The following FAT3 variants were observed in gnomAD, a reference collection of about 807,000 sequenced individuals.
FAT3 encodes FAT atypical cadherin 3.
FAT3 carries 95 observed loss-of-function variants against 310.2 expected under a neutral mutation model. The observed-to-expected ratio is 0.31, with a 90% CI of 0.26 to 0.36. The LOEUF (loss-of-function observed/expected upper bound fraction) is 0.36, where lower values mean the gene tolerates loss of function less well. Ranked by LOEUF, FAT3 falls within the 10% of genes least tolerant of loss-of-function variation. The probability of loss-of-function intolerance (pLI) is 1.00; values close to 1 mark genes in which losing one functional copy is unlikely to be tolerated. For missense variants in FAT3, 5,408 were observed against 5,715.6 expected (o/e 0.95, Z 1.74); for synonymous variants, 2,314 against 2,192.9 (o/e 1.06, Z -1.54).
chr11:92,837,585 A>T, intron 16 of FAT3, 78 bp from the exon 17 acceptor site: 3 of 1,541,732 alleles, frequency 1.9e-6, no homozygotes, highest in Non-Finnish European at 8.8e-7. Flanking sequence ...CACAGCCTGT[A>T]GCTCCAGTTC....
intron 1 of FAT3, among the ~76,000 whole-genome samples, chr11:92,250,035 T>C (rs1370092748): frequency 6.6e-6 from 1 of 152,144 alleles, no homozygotes; most frequent in Non-Finnish European, 1.5e-5. Flanking sequence ...TAAAATTTTC[T>C]GGTTGTAATA....
At position 92,875,167 on chromosome 11, in the gene FAT3, A is replaced by G. The variant is rs531935095; in HGVS notation, c.12128-5564A>G. ...AATAGATATCACTCTTCTTTCACTA[A>G]AAAAAAAATCTGACCACTTTTAAAA... On this transcript the variant is annotated intron_variant, in intron 22 of 27. Transcript: ENST00000525166. 6.1e-5 allele frequency among the ~76,000 whole-genome samples: 9 copies of G among 148,060 alleles called. No homozygotes were observed. In the Middle Eastern group the frequency reaches 0.011, roughly 176 times the overall value.
intron 14 of FAT3, 142 bp downstream of exon 14, chr11:92,832,153 A>T: frequency 1.0e-6 from 1 of 957,470 alleles, no homozygotes; most frequent in Non-Finnish European, 1.5e-6. Context: ...CAACAGAGTG[A>T]GACCCTGTCT....
At chr11:92,322,036 A>G (rs371369000) in intron 1 of FAT3, among the ~76,000 whole-genome samples, 44 of 152,286 alleles carry the variant, frequency 2.9e-4, no homozygotes, top group African/African-American at 1.0e-3. Flanking sequence ...ATTGCTGAAA[A>G]TCAGACTCTG....
Position 92,790,184 on chromosome 11 carries a change from A to G in FAT3, c.4577A>G (p.His1526Arg), listed in dbSNP as rs1471051336. 2 of 1,613,712 alleles carry G rather than the reference A, an allele frequency of 1.2e-6. No homozygotes were observed. The highest frequency in any genetic ancestry group is 1.7e-4 in the Middle Eastern group (1 of 6,054). Reference sequence around the variant, plus strand: ...CTCTATACTGCCGAGAGGCTGGACCATGAGGCCCAGGACAAGCACATTCTC... The same window carrying G: ...CTCTATACTGCCGAGAGGCTGGACCGTGAGGCCCAGGACAAGCACATTCTC... ...GVLYTAERLD[H>R]EAQDKHILNI... Residue 1526 changes from histidine (H) to arginine (R), a missense_variant, in exon 8 of 28, where the codon CAT (histidine) becomes CGT (arginine). By Grantham distance (29) the His-to-Arg change is conservative. Coordinates refer to ENST00000525166, the MANE Select transcript of FAT3 (RefSeq NM_001367949.2).
At chr11:92,444,659 TGG>T in intron 2 of FAT3, among the ~76,000 whole-genome samples, 1 of 109,198 alleles carries the variant, frequency 9.2e-6, no homozygotes, top group African/African-American at 3.9e-5. Context: ...TGGATATTAC[TGG>T]GGGGGGGGGA....
intron 1 of FAT3, among the ~76,000 whole-genome samples, chr11:92,307,621 CT>C (rs1401399729): frequency 6.6e-6 from 1 of 152,178 alleles, no homozygotes; most frequent in African/African-American, 2.4e-5. Context: ...TTCATTGTAT[CT>C]CTCAGATAAG....
intron 4 of FAT3, among the ~76,000 whole-genome samples, chr11:92,737,619 A>G (rs1325608337): frequency 6.6e-6 from 1 of 152,094 alleles, no homozygotes; most frequent in Non-Finnish European, 1.5e-5. Flanking sequence ...AAAATTGATG[A>G]CATAGTCATT....
At chr11:92,536,693 A>G (rs888181606) in intron 3 of FAT3, among the ~76,000 whole-genome samples, 14 of 152,146 alleles carry the variant, frequency 9.2e-5, no homozygotes, top group African/African-American at 3.4e-4. Context: ...TATGAAGAAC[A>G]TTTTACCTGG....
At chr11:92,434,866 A>G (rs1175369297) in intron 2 of FAT3, among the ~76,000 whole-genome samples, 1 of 152,204 alleles carries the variant, frequency 6.6e-6, no homozygotes, top group African/African-American at 2.4e-5. Context: ...GTGTCCTCAT[A>G]TATGAAATTT....
chr11:92,604,627 G>A (rs1042529320), intron 3 of FAT3, among the ~76,000 whole-genome samples: 8 of 152,058 alleles, frequency 5.3e-5, no homozygotes, highest in Non-Finnish European at 7.4e-5. Context: ...CACATCCTGC[G>A]TCACCTTACT....
At chr11:92,443,480 A>C (rs1204274048) in intron 2 of FAT3, among the ~76,000 whole-genome samples, 1 of 152,208 alleles carries the variant, frequency 6.6e-6, no homozygotes, top group Non-Finnish European at 1.5e-5. Context: ...CCAGTAAGTG[A>C]TTTAAGCCCT....
chr11:92,257,065 T>C (rs955317885), intron 1 of FAT3, among the ~76,000 whole-genome samples: 3 of 151,450 alleles, frequency 2.0e-5, no homozygotes, highest in Non-Finnish European at 4.4e-5. Context: ...GGTGTCAGCT[T>C]AAAAAAAAAT....
chr11:92,519,365 C>G (rs1465608551), intron 2 of FAT3, among the ~76,000 whole-genome samples: 1 of 152,050 alleles, frequency 6.6e-6, no homozygotes, highest in East Asian at 1.9e-4. Flanking sequence ...AGATCTATAT[C>G]TTTCACCATA....
At chr11:92,424,643 A>G (rs1950593850) in intron 2 of FAT3, among the ~76,000 whole-genome samples, 1 of 152,136 alleles carries the variant, frequency 6.6e-6, no homozygotes, top group African/African-American at 2.4e-5. Context: ...TTGTGAAGAT[A>G]TTTGAAGAAG....
rs1390513626 is a variant in FAT3, at chr11:92,798,772, A to G, written c.5759A>G (p.Tyr1920Cys). ...TCTGAGGTACCCCCTGAACTGACATACAGCCTAATGGAAGGCAGTTTGGAT... is the reference window on the plus strand; with the variant it reads ...TCTGAGGTACCCCCTGAACTGACATGCAGCCTAATGGAAGGCAGTTTGGAT... ...PDSEVPPELT[Y>C]SLMEGSLDHF... The change falls in exon 10 of 28, where the codon TAC (tyrosine) becomes TGC (cysteine). Residue 1920 changes from tyrosine to cysteine, a missense_variant. Transcript: ENST00000525166. 6.2e-7 allele frequency: 1 copy of G among 1,613,886 alleles called. No individual in the cohort carries two copies. Among genetic ancestry groups the G allele is most frequent in the Non-Finnish European group, 8.5e-7 (1 of 1,179,848 alleles).
At chr11:92,357,175 T>G (rs927866297) in intron 2 of FAT3, among the ~76,000 whole-genome samples, 2 of 152,230 alleles carry the variant, frequency 1.3e-5, no homozygotes, top group Non-Finnish European at 1.5e-5. Context: ...TAACAATGAG[T>G]TCATCGAGTA....
chr11:92,496,130 C>G (rs568681990), intron 2 of FAT3, among the ~76,000 whole-genome samples: 3 of 152,080 alleles, frequency 2.0e-5, no homozygotes, highest in Non-Finnish European at 4.4e-5. Flanking sequence ...CAGCACATAA[C>G]CACCCTTTCA....
At chr11:92,562,683 C>G (rs1955274979) in intron 3 of FAT3, among the ~76,000 whole-genome samples, 1 of 152,130 alleles carries the variant, frequency 6.6e-6, no homozygotes, top group African/African-American at 2.4e-5. Flanking sequence ...GGGTGAAGGG[C>G]AGGGGCATAA....
Sources: allele counts gnomAD v4.1 joint callset (sites outside exome capture counted in the v4.1 genomes callset), GRCh38; gene constraint gnomAD v4.1.1; transcripts MANE v1.5; gene names NCBI Gene and HGNC (gene_info 2026-07-23, HGNC 2026-07-21).